MTCL1: variants seen among roughly 807,000 people sequenced by gnomAD.
The protein encoded by MTCL1 is microtubule cross-linking factor 1.
Under a neutral mutation model 141.4 loss-of-function variants are expected in MTCL1, and 79 were observed. That is an observed-to-expected ratio of 0.56 (90% CI 0.47 to 0.67). The LOEUF is 0.67. MTCL1 is among the 30% of genes least tolerant of loss of function. The pLI is 0.00. For synonymous variants in MTCL1, 914 were observed against 875.8 expected (o/e 1.04, Z -0.77); for missense variants, 2,177 against 2,113.9 (o/e 1.03, Z -0.59).
rs1322470483 is a variant in MTCL1, at chr18:8,783,659, C to G, written c.547C>G (p.Leu183Val). The G allele has an allele frequency of 2.7e-5, 43 of 1,612,794 alleles. No homozygotes were observed. In the Admixed American group the frequency reaches 6.7e-4, roughly 25 times the overall value. Residue 183 changes from leucine (L) to valine (V), a missense_variant, in exon 6 of 17, where the codon CTC (leucine) becomes GTC (valine). By Grantham distance (32) the Leu-to-Val change is conservative (BLOSUM62 1). Coordinates refer to ENST00000359865, the Ensembl canonical transcript of MTCL1. The stretch of plus-strand genomic sequence containing the variant: ...GCAGGAGCTCCAGAAGTACAAGTCC[C>G]TCTATGGGGATGTGGACAGTCCCCT...
At chr18:8,825,813 G>A (rs1319769716) in exon 15 of MTCL1, 23 of 1,614,066 alleles carry the variant, frequency 1.4e-5, no homozygotes, top group Middle Eastern at 1.6e-4. Flanking sequence ...GGAGAGCCCC[G>A]TGCACACCAC....
intron 4 of MTCL1, among the ~76,000 whole-genome samples, chr18:8,741,537 AAGAT>A (rs1172092228): frequency 6.6e-6 from 1 of 152,222 alleles, no homozygotes; most frequent in East Asian, 1.9e-4. Flanking sequence ...AACTAAGTAA[AAGAT>A]TATGGGATGG....
In MTCL1 at chr18:8,785,463, G is replaced by GA. The variant is rs1321660672; in HGVS notation, c.1732-472dup. Reference sequence around the variant, plus strand: ...CCCTGCCGCCGCTGGGGAGGGCGCGGAGGGTCTCCGAGGACTGCTGTCCTA... The same window carrying GA: ...CCCTGCCGCCGCTGGGGAGGGCGCGGAAGGGTCTCCGAGGACTGCTGTCCTA... On this transcript the variant is annotated intron_variant, in intron 6 of 16. Transcript: ENST00000359865. 5.9e-5 allele frequency among the ~76,000 whole-genome samples: 9 copies of GA among 152,212 alleles called. No homozygotes were observed. The East Asian group carries it at 1.7e-3, about 29-fold the overall frequency.
intron 4 of MTCL1, among the ~76,000 whole-genome samples, chr18:8,722,064 C>T (rs669118): frequency 0.042 from 6,359 of 152,184 alleles, 345 homozygotes; most frequent in African/African-American, 0.11. Flanking sequence ...TCCCAGGACT[C>T]GAGGAATTTG....
chr18:8,745,429 C>T (rs1251647820), intron 4 of MTCL1, among the ~76,000 whole-genome samples: 4 of 152,172 alleles, frequency 2.6e-5, no homozygotes, highest in Admixed American at 6.5e-5. Flanking sequence ...TGTCACTTGG[C>T]GGTATGCTTG....
chr18:8,786,004 C>G lies in MTCL1; in HGVS notation c.1800C>G (p.Arg600=), dbSNP rs201694316. The change falls in exon 7 of 17, where the codon CGC becomes CGG. Residue 600 remains arginine (R), a synonymous_variant. Coordinates refer to ENST00000359865, the Ensembl canonical transcript of MTCL1. Reference sequence around the variant, plus strand: ...GAGGGGACGAGCGGGAGAGCCTGCGCCTCCGAGCCGCGCGGGAGCTGCACC... The same window carrying G: ...GAGGGGACGAGCGGGAGAGCCTGCGGCTCCGAGCCGCGCGGGAGCTGCACC... The G allele has an allele frequency of 3.1e-6, 5 of 1,607,378 alleles. No homozygotes were observed. In the African/African-American group the frequency reaches 6.7e-5, roughly 22 times the overall value.
rs1056420817 is a variant in MTCL1, at chr18:8,749,065, A to G, written c.357+28569A>G. Among the ~76,000 whole-genome samples, 49 of 152,248 alleles carry G rather than the reference A, an allele frequency of 3.2e-4. 1 individual carries two copies. The highest frequency in any genetic ancestry group is 1.1e-3 in the African/African-American group (47 of 41,466). ...TAAATGGAGACCCTGGACTTGCCTC[A>G]GATGACCTTGTGAGATATTTTATTT... On this transcript the variant is annotated intron_variant, in intron 4 of 16. Transcript: ENST00000359865.
intron 4 of MTCL1, among the ~76,000 whole-genome samples, chr18:8,733,762 G>T (rs2096263027): frequency 6.6e-6 from 1 of 152,156 alleles, no homozygotes; most frequent in African/African-American, 2.4e-5. Flanking sequence ...GAGGCTACAG[G>T]AGCGTCCTCG....
chr18:8,770,818 TG>T, intron 4 of MTCL1, among the ~76,000 whole-genome samples: 1 of 152,284 alleles, frequency 6.6e-6, no homozygotes, highest in Middle Eastern at 3.4e-3. Context: ...GGTTTTCCAC[TG>T]GATCTGAGAA....
intron 4 of MTCL1, among the ~76,000 whole-genome samples, chr18:8,733,849 A>G (rs553994313): frequency 1.3e-5 from 2 of 152,340 alleles, no homozygotes; most frequent in East Asian, 3.9e-4. Context: ...TCAATCTTGA[A>G]GTAACACTCA....
intron 4 of MTCL1, among the ~76,000 whole-genome samples, chr18:8,773,047 T>C (rs2143111823): frequency 1.3e-5 from 2 of 152,346 alleles, no homozygotes; most frequent in Admixed American, 1.3e-4. Flanking sequence ...GTTGTGTATC[T>C]TAAATATATA....
rs189419713 is a variant in MTCL1, at chr18:8,751,835, C to T, written c.358-25998C>T. Among the ~76,000 whole-genome samples the T allele has an allele frequency of 2.5e-4, 38 of 152,310 alleles. No individual in the cohort carries two copies. In the East Asian group the frequency reaches 6.7e-3, roughly 27 times the overall value. On this transcript the variant is annotated intron_variant, in intron 4 of 16. Coordinates refer to ENST00000359865, the Ensembl canonical transcript of MTCL1. ...GGGGCAGATGGAGCCGTGGGATTCG[C>T]TTGTGAAAGTTGTTTCATTGACCTG...
intron 11 of MTCL1, among the ~76,000 whole-genome samples, chr18:8,808,676 A>G (rs1361781099): frequency 3.9e-5 from 6 of 152,258 alleles, no homozygotes; most frequent in South Asian, 2.1e-4. Context: ...TAATTCTGCT[A>G]CAAGTTACCT....
chr18:8,716,495 A>G (rs2096129003), upstream of MTCL1, among the ~76,000 whole-genome samples: 2 of 151,280 alleles, frequency 1.3e-5, no homozygotes, highest in Admixed American at 6.6e-5. Flanking sequence ...AAGGATTCAC[A>G]TTTTTATTTG....
At chr18:8,786,113 C>CCCCA (rs758467142) in intron 7 of MTCL1, 22 bp downstream of exon 6, 4 of 1,383,504 alleles carry the variant, frequency 2.9e-6, no homozygotes, top group South Asian at 1.3e-5. Flanking sequence ...CAAGCAATCC[C>CCCCA]CCCCCCCCGC....
chr18:8,756,246 A>G (rs1164709350), intron 4 of MTCL1, among the ~76,000 whole-genome samples: 2 of 152,156 alleles, frequency 1.3e-5, no homozygotes, highest in Non-Finnish European at 2.9e-5. Context: ...CTTCTAACCC[A>G]TGTCACATTT....
Position 8,793,074 on chromosome 18 carries a change from GA to G in MTCL1, c.1965del (p.Arg655SerfsTer25). 1 of 1,614,168 alleles carries G rather than the reference GA, an allele frequency of 6.2e-7. No individual in the cohort carries two copies. Among genetic ancestry groups the G allele is most frequent in the South Asian group, 1.1e-5 (1 of 91,050 alleles). On this transcript the variant is annotated frameshift_variant, in exon 8 of 17. Coordinates refer to ENST00000359865, the Ensembl canonical transcript of MTCL1. LOFTEE classifies it high-confidence loss of function. The stretch of plus-strand genomic sequence containing the variant: ...CAGGGTCAGCTCGTGCAGGCGGCCA[GA>G]CTGCATCAAGAGGAGACAGAGACAT...
At chr18:8,801,502 G>A (rs571371404) in intron 10 of MTCL1, among the ~76,000 whole-genome samples, 3 of 152,250 alleles carry the variant, frequency 2.0e-5, no homozygotes, top group East Asian at 3.9e-4. Context: ...TATCTTTGCC[G>A]TGTACTTGTG....
At chr18:8,772,142 A>C (rs1598585954) in intron 4 of MTCL1, among the ~76,000 whole-genome samples, 1 of 152,232 alleles carries the variant, frequency 6.6e-6, no homozygotes, top group African/African-American at 2.4e-5. Flanking sequence ...ACTGCTTGGC[A>C]CTTGGCCAGG....
Sources: allele counts gnomAD v4.1 joint callset (sites outside exome capture counted in the v4.1 genomes callset), GRCh38; gene constraint gnomAD v4.1.1; transcripts MANE v1.5; gene names NCBI Gene and HGNC (gene_info 2026-07-23, HGNC 2026-07-21).